Variants in MGA observed in about 807,000 individuals in gnomAD.
MGA encodes the protein MAX dimerization protein MGA, also known as MAX gene-associated protein.
MGA carries 40 observed loss-of-function variants against 261.1 expected under a neutral mutation model. That is an observed-to-expected ratio of 0.15 (90% CI 0.12 to 0.20). MGA has a LOEUF of 0.20. Ranked by LOEUF, MGA falls within the 10% of genes least tolerant of loss-of-function variation. MGA has a pLI of 1.00. For missense variants in MGA, 3,397 were observed against 3,630.5 expected (o/e 0.94, Z 1.65); for synonymous variants, 1,302 against 1,290.6 (o/e 1.01, Z -0.19).
chr15:41,623,759 TTATA>T (rs1273006385), intron 1 of MGA, among the ~76,000 whole-genome samples: 6 of 133,540 alleles, frequency 4.5e-5, no homozygotes, highest in Admixed American at 8.2e-5. Flanking sequence ...GGTGAATTAT[TTATA>T]TATATATATA....
intron 2 of MGA, among the ~76,000 whole-genome samples, chr15:41,674,339 G>T (rs1055863379): frequency 1.3e-5 from 2 of 151,216 alleles, no homozygotes; most frequent in African/African-American, 4.9e-5. Flanking sequence ...GGGATTACAG[G>T]TGCCTACCAC....
upstream of MGA, among the ~76,000 whole-genome samples, chr15:41,657,342 T>TC: frequency 2.0e-4 from 1 of 4,974 alleles, no homozygotes; most frequent in Non-Finnish European, 6.3e-4. Context: ...GAAGGCCCTT[T>TC]TTTTTTTTTT....
intron 9 of MGA, among the ~76,000 whole-genome samples, chr15:41,716,721 CAT>C (rs1472462272): frequency 3.9e-5 from 6 of 152,124 alleles, no homozygotes; most frequent in African/African-American, 1.4e-4. Flanking sequence ...TAAAAATAAA[CAT>C]AAATGTTTAA....
intron 5 of MGA, among the ~76,000 whole-genome samples, chr15:41,705,301 T>C (rs993320590): frequency 1.3e-5 from 2 of 152,080 alleles, no homozygotes; most frequent in Non-Finnish European, 2.9e-5. Flanking sequence ...TAGGGACTTA[T>C]TTACCCTATG....
At chr15:41,716,479 G>A (rs1026594396) in intron 9 of MGA, among the ~76,000 whole-genome samples, 1 of 151,510 alleles carries the variant, frequency 6.6e-6, no homozygotes, top group African/African-American at 2.4e-5. Flanking sequence ...AAAAAGGAGG[G>A]GTGATATTTT....
intron 1 of MGA, among the ~76,000 whole-genome samples, chr15:41,661,302 C>T (rs943003922): frequency 8.6e-5 from 13 of 151,922 alleles, no homozygotes; most frequent in African/African-American, 2.2e-4. Context: ...AGGTCTCTGC[C>T]CTCAGTGCAA....
At chr15:41,699,995 T>G (rs996128978) in intron 5 of MGA, among the ~76,000 whole-genome samples, 145 of 151,668 alleles carry the variant, frequency 9.6e-4, no homozygotes, top group Non-Finnish European at 1.9e-3. Flanking sequence ...TACATAGTTA[T>G]ACATGTGCTA....
intron 2 of MGA, among the ~76,000 whole-genome samples, chr15:41,676,205 C>T (rs998989774): frequency 3.4e-4 from 51 of 151,360 alleles, no homozygotes; most frequent in Middle Eastern, 3.4e-3. Context: ...TTTTTTGAGA[C>T]GAAGTCTCGC....
rs2059562130 is a variant in MGA, at chr15:41,696,666, A to G, written c.1656A>G (p.Lys552=). ...CCTTACTGAAAGAGCCTCAGTGGAA[A>G]TATCCTGATATATCTGACAGCATTA... The change falls in exon 3 of 24, where the codon AAA becomes AAG. Residue 552 remains lysine, a synonymous_variant. Transcript: ENST00000219905. 1 of 1,612,784 alleles carries G rather than the reference A, an allele frequency of 6.2e-7. No individual in the cohort carries two copies. Among genetic ancestry groups the G allele is most frequent in the South Asian group, 1.1e-5 (1 of 90,850 alleles).
chr15:41,751,922 T>G (rs2062856778), intron 17 of MGA: 1 of 152,212 alleles, frequency 6.6e-6, no homozygotes, highest in Non-Finnish European at 1.5e-5. Flanking sequence ...CAATCTCACT[T>G]CCTTGAGATT....
At chr15:41,655,178 CT>C (rs35648576) in intron 1 of MGA, among the ~76,000 whole-genome samples, 40,952 of 129,390 alleles carry the variant, frequency 0.32, 5,571 homozygotes, top group Middle Eastern at 0.43. Context: ...TTTTAATTTA[CT>C]TTTTTTTTTT....
At chr15:41,721,823 A>T (rs1002311464) in intron 9 of MGA, among the ~76,000 whole-genome samples, 1 of 152,224 alleles carries the variant, frequency 6.6e-6, no homozygotes, top group African/African-American at 2.4e-5. Context: ...TTGAAGATTC[A>T]TAGCCCTTGA....
intron 9 of MGA, among the ~76,000 whole-genome samples, chr15:41,715,138 T>C (rs1428335926): frequency 1.5e-5 from 1 of 66,746 alleles, no homozygotes; most frequent in African/African-American, 3.4e-5. Context: ...GGTTTCTGTC[T>C]TTTTTTTTTT....
chr15:41,677,488 T>C (rs1303022569), intron 2 of MGA, among the ~76,000 whole-genome samples: 1 of 152,176 alleles, frequency 6.6e-6, no homozygotes, highest in Non-Finnish European at 1.5e-5. Flanking sequence ...CTGGATCATA[T>C]GGTAATTCTA....
rs142220177 is a variant in MGA, at chr15:41,691,950, T to C, written c.1065-4125T>C. 2.0e-4 allele frequency among the ~76,000 whole-genome samples: 30 copies of C among 152,272 alleles called. No individual in the cohort carries two copies. In the East Asian group the frequency reaches 3.9e-3, roughly 20 times the overall value. ...CCCCATTGTTGCTTACTGAGCTTCT[T>C]GGATCTGTGGGTTAAAATCTTTTGC... is the stretch of plus-strand genomic sequence containing the variant. On this transcript the variant is annotated intron_variant, in intron 2 of 23. Transcript: ENST00000219905.
In MGA at chr15:41,699,006, C is replaced by G. The variant is rs145660826; in HGVS notation, c.2093-58C>G. The G allele has an allele frequency of 1.7e-3, 2,685 of 1,546,472 alleles. 5 individuals carry two copies. Among genetic ancestry groups the G allele is most frequent in the Non-Finnish European group, 1.6e-3 (1,848 of 1,135,244 alleles). On this transcript the variant is annotated intron_variant, in intron 4 of 23. Transcript: ENST00000219905. ...TGGGCTCCAGCAATGAAACATGCAA[C>G]ATTCATTTGTCTGTAGTGTACAGTA...
chr15:41,715,332 T>C (rs1027835090), intron 9 of MGA, among the ~76,000 whole-genome samples: 1 of 151,724 alleles, frequency 6.6e-6, no homozygotes, highest in African/African-American at 2.4e-5. Context: ...CTATTTTTAG[T>C]AGAGACGGGG....
chr15:41,743,258 C>T, intron 15 of MGA, 86 bp downstream of exon 15: 1 of 1,383,602 alleles, frequency 7.2e-7, no homozygotes, highest in Non-Finnish European at 9.7e-7. Flanking sequence ...ATAGATATAT[C>T]AGGATAACAG....
upstream of MGA, among the ~76,000 whole-genome samples, chr15:41,656,614 G>A (rs2057204648): frequency 1.3e-5 from 2 of 151,756 alleles, no homozygotes; most frequent in South Asian, 2.1e-4. Flanking sequence ...TCCCACCTCA[G>A]CCTCCCAAAG....
Sources: gnomAD v4.1 joint callset for allele counts (sites outside exome capture counted in the v4.1 genomes callset) on GRCh38, gnomAD v4.1.1 for gene constraint, MANE v1.5 for transcripts, NCBI Gene and HGNC (gene_info 2026-07-23, HGNC 2026-07-21) for gene names.